The following PRKN variants were observed in gnomAD, a reference collection of about 807,000 sequenced individuals.
PRKN encodes parkin RBR E3 ubiquitin protein ligase.
A neutral mutation model predicts 59.5 loss-of-function variants in PRKN; 56 were observed. The ratio of observed to expected loss-of-function variants is 0.94; its 90% CI spans 0.76 to 1.18. PRKN has a LOEUF of 1.18. Among genes scored for constraint, PRKN ranks in the 50% most tolerant of loss-of-function variants. The probability of loss-of-function intolerance (pLI) is 0.00; values close to 1 mark genes in which losing one functional copy is unlikely to be tolerated. For synonymous variants in PRKN, 250 were observed against 222.1 expected (o/e 1.13, Z -1.12); for missense variants, 657 against 596.4 (o/e 1.10, Z -1.06).
At chr6:161,939,418 CAAA>C (rs34604240) in intron 6 of PRKN, among the ~76,000 whole-genome samples, 2 of 39,590 alleles carry the variant, frequency 5.1e-5, no homozygotes. Flanking sequence ...GACTCTGTCT[CAAA>C]AAAAAAAAAA....
intron 1 of PRKN, among the ~76,000 whole-genome samples, chr6:162,475,971 T>C (rs62428768): frequency 0.26 from 22,425 of 86,068 alleles, 1,833 homozygotes; most frequent in Non-Finnish European, 0.31. Flanking sequence ...AGGATGGTCT[T>C]GTTCTCACCT....
In PRKN at chr6:161,498,786, C is replaced by T. The variant is rs561343686; in HGVS notation, c.1083+50068G>A. Among the ~76,000 whole-genome samples the T allele has an allele frequency of 1.2e-4, 18 of 152,308 alleles. No homozygotes were observed. The highest frequency in any genetic ancestry group is 4.3e-4 in the African/African-American group (18 of 41,570). Reference sequence around the variant, plus strand: ...TGAAGTTGTTTGTTACTGCAACAGACTTTAGTCTGTGCTGACTAATACATC... The same window carrying T: ...TGAAGTTGTTTGTTACTGCAACAGATTTTAGTCTGTGCTGACTAATACATC... On this transcript the variant is annotated intron_variant, in intron 9 of 11. Coordinates refer to ENST00000366898, the MANE Select transcript of PRKN (RefSeq NM_004562.3). The surrounding 1 kb of genome is among the most constrained non-coding windows in gnomAD (Gnocchi z 4.2).
At chr6:161,955,898 G>A (rs1210522523) in intron 6 of PRKN, among the ~76,000 whole-genome samples, 1 of 152,116 alleles carries the variant, frequency 6.6e-6, no homozygotes, top group Non-Finnish European at 1.5e-5. Flanking sequence ...GATGATATCT[G>A]GGATGTGAAA....
chr6:162,690,088 C>T (rs937914075), intron 1 of PRKN, among the ~76,000 whole-genome samples: 3 of 152,100 alleles, frequency 2.0e-5, no homozygotes, highest in African/African-American at 7.2e-5. Flanking sequence ...TTAGAATGTA[C>T]TCCATTATTT....
intron 4 of PRKN, among the ~76,000 whole-genome samples, chr6:162,126,626 C>T (rs1472799345): frequency 6.6e-6 from 1 of 152,134 alleles, no homozygotes; most frequent in East Asian, 1.9e-4. Flanking sequence ...GGCTCCAAAC[C>T]ACATTTAATC....
intron 7 of PRKN, among the ~76,000 whole-genome samples, chr6:161,580,577 A>G (rs2128137799): frequency 6.6e-6 from 1 of 152,138 alleles, no homozygotes; most frequent in Non-Finnish European, 1.5e-5. Flanking sequence ...CCCAGGTTCA[A>G]GCGATTCTCC....
rs190930553 is a variant in PRKN at position 162,652,106 on chromosome 6, G to A, written c.7+75556C>T. ...CCAGACTTCTGCCCACTGGATGCCA[G>A]TAGCACCCCTCAATGTAACAGCCCC... On this transcript the variant is annotated intron_variant, in intron 1 of 11. Coordinates refer to ENST00000366898, the MANE Select transcript of PRKN (RefSeq NM_004562.3). Among the ~76,000 whole-genome samples the A allele has an allele frequency of 3.2e-4, 48 of 152,300 alleles. 2 individuals are homozygous for A. Among genetic ancestry groups the A allele is most frequent in the Admixed American group, 2.7e-3 (42 of 15,290 alleles).
intron 2 of PRKN, among the ~76,000 whole-genome samples, chr6:162,399,887 G>A (rs1424919202): frequency 6.6e-6 from 1 of 152,126 alleles, no homozygotes; most frequent in Admixed American, 6.6e-5. Context: ...GAGCTAAACG[G>A]CCTGTATGAT....
chr6:161,425,264 C>T (rs757725174), intron 9 of PRKN, among the ~76,000 whole-genome samples: 16 of 152,178 alleles, frequency 1.1e-4, no homozygotes, highest in South Asian at 2.1e-4. Flanking sequence ...TCTACTGACT[C>T]GTGTTAGAGA....
intron 7 of PRKN, among the ~76,000 whole-genome samples, chr6:161,596,391 T>A (rs954150530): frequency 6.6e-6 from 1 of 152,232 alleles, no homozygotes; most frequent in Non-Finnish European, 1.5e-5. Flanking sequence ...TTTGGAAGAT[T>A]TCTATCTTTA....
chr6:161,416,160 C>G (rs928821276), intron 9 of PRKN, among the ~76,000 whole-genome samples: 1 of 152,166 alleles, frequency 6.6e-6, no homozygotes, highest in African/African-American at 2.4e-5. Flanking sequence ...TCACATTTTA[C>G]TGGGACACAG....
intron 3 of PRKN, among the ~76,000 whole-genome samples, chr6:162,250,170 G>T (rs7769292): frequency 0.48 from 71,656 of 149,870 alleles, 19,711 homozygotes; most frequent in East Asian, 0.8. Flanking sequence ...AATGAAAACC[G>T]TTTTGATTAT....
chr6:162,543,055 G>A (rs1778985625), intron 1 of PRKN, among the ~76,000 whole-genome samples: 1 of 152,126 alleles, frequency 6.6e-6, no homozygotes, highest in Non-Finnish European at 1.5e-5. Flanking sequence ...AATAACTGAA[G>A]ACAGTCAGTT....
chr6:162,645,995 C>T (rs1481597472), intron 1 of PRKN, among the ~76,000 whole-genome samples: 1 of 151,662 alleles, frequency 6.6e-6, no homozygotes, highest in Non-Finnish European at 1.5e-5. Flanking sequence ...CTGCCTCAGC[C>T]TCCCCAGTAG....
intron 1 of PRKN, among the ~76,000 whole-genome samples, chr6:162,559,858 A>G (rs557476017): frequency 4.1e-4 from 63 of 152,198 alleles, no homozygotes; most frequent in African/African-American, 1.5e-3. Flanking sequence ...TTCTTCACAT[A>G]CGAGAAAGGA....
intron 2 of PRKN, among the ~76,000 whole-genome samples, chr6:162,350,194 G>A (rs1784567696): frequency 6.6e-6 from 1 of 152,048 alleles, no homozygotes; most frequent in South Asian, 2.1e-4. Context: ...CCACTGAGAG[G>A]AAATAAAGTA....
chr6:161,482,851 C>T (rs1276926853), intron 9 of PRKN, among the ~76,000 whole-genome samples: 1 of 152,146 alleles, frequency 6.6e-6, no homozygotes, highest in Non-Finnish European at 1.5e-5. Flanking sequence ...AAACAAAAGG[C>T]CATCTTATAA....
intron 1 of PRKN, among the ~76,000 whole-genome samples, chr6:162,707,592 T>C (rs940337775): frequency 1.0e-4 from 14 of 136,368 alleles, no homozygotes; most frequent in Middle Eastern, 4.1e-3. Context: ...TTTTTTTTTT[T>C]CCGAGACACA....
chr6:161,886,328 AT>A (rs1171806450), intron 6 of PRKN, among the ~76,000 whole-genome samples: 3 of 152,208 alleles, frequency 2.0e-5, no homozygotes, highest in Non-Finnish European at 4.4e-5. Context: ...CATAATTAAA[AT>A]CTAAGCATTG....
Sources: gnomAD v4.1 joint callset for allele counts (sites outside exome capture counted in the v4.1 genomes callset) on GRCh38, gnomAD v4.1.1 for gene constraint, Gnocchi (gnomAD v3.1) non-coding constraint, MANE v1.5 for transcripts, NCBI Gene and HGNC (gene_info 2026-07-23, HGNC 2026-07-21) for gene names.